The following PLK1 variants were observed in gnomAD, a reference collection of about 807,000 sequenced individuals.
The protein encoded by PLK1 is serine/threonine-protein kinase PLK1.
In PLK1, 6 loss-of-function variants were observed where a neutral mutation model predicts 56.7. The observed-to-expected ratio is 0.11, with a 90% CI of 0.06 to 0.21. The LOEUF is 0.21. Ranked by LOEUF, PLK1 falls within the 10% of genes least tolerant of loss-of-function variation. The probability of loss-of-function intolerance (pLI) is 1.00; values close to 1 mark genes in which losing one functional copy is unlikely to be tolerated. For synonymous variants in PLK1, 298 were observed against 325.0 expected (o/e 0.92, Z 0.89); for missense variants, 546 against 814.4 (o/e 0.67, Z 4.01).
chr16:23,679,151 G>T lies in PLK1; in HGVS notation c.219G>T (p.Ala73=), dbSNP rs1216361007. 1 of 1,613,200 alleles carries T rather than the reference G, an allele frequency of 6.2e-7. No individual in the cohort carries two copies. Among genetic ancestry groups the T allele is most frequent in the African/African-American group, 1.3e-5 (1 of 74,922 alleles). ...CCAAGTGCTTCGAGATCTCGGACGC[G>T]GACACCAAGGAGGTGTTCGCGGGCA... The part of the protein sequence containing the change: ...GFAKCFEISD[A]DTKEVFAGKI... Residue 73 remains alanine (A), a synonymous_variant, in exon 1 of 10, where the codon GCG becomes GCT. Transcript: ENST00000300093.
intron 5 of PLK1, among the ~76,000 whole-genome samples, chr16:23,685,050 C>T (rs1267633651): frequency 1.6e-5 from 2 of 124,768 alleles, no homozygotes; most frequent in Admixed American, 1.0e-4. Flanking sequence ...GGTATGATCT[C>T]GATTTCACTA....
At position 23,689,125 on chromosome 16, in the gene PLK1, C is replaced by T. The variant is rs184438473; in HGVS notation, c.1271-113C>T. The stretch of plus-strand genomic sequence containing the variant: ...TCTCAAACTCCTGGGCTCAAACAAT[C>T]CTCCTCCCTCAGCCTCCCAAAGTGC... On this transcript the variant is annotated intron_variant, in intron 7 of 9. Coordinates refer to ENST00000300093, the MANE Select transcript of PLK1 (RefSeq NM_005030.6). The surrounding 1 kb of genome is among the most constrained non-coding windows in gnomAD (Gnocchi z 4.8). The T allele has an allele frequency of 1.3e-5, 12 of 916,974 alleles. No homozygotes were observed. The Admixed American group carries it at 2.4e-4, about 18-fold the overall frequency. The allele number at this position is 916,974 out of a possible 1,614,324, so 56.8% of individuals were successfully genotyped here.
In PLK1 at chr16:23,689,065, G is replaced by T. The variant is rs538736062; in HGVS notation, c.1271-173G>T. 5.9e-5 allele frequency among the ~76,000 whole-genome samples: 9 copies of T among 152,080 alleles called. No homozygotes were observed. The highest frequency in any genetic ancestry group is 8.8e-5 in the Non-Finnish European group (6 of 68,018). On this transcript the variant is annotated intron_variant, in intron 7 of 9. Coordinates refer to ENST00000300093, the MANE Select transcript of PLK1 (RefSeq NM_005030.6). The surrounding 1 kb of genome is among the most constrained non-coding windows in gnomAD (Gnocchi z 4.8). ...GCTCAGCTAATTTTTAAAATATTTT[G>T]TAGAGATGGGGTCTCATTACGTTGC... is the stretch of plus-strand genomic sequence containing the variant.
At chr16:23,687,212 T>C (rs1959442095) in intron 5 of PLK1, 2 of 283,250 alleles carry the variant, frequency 7.1e-6, no homozygotes, top group South Asian at 1.2e-4. Context: ...GCCTTCAAGC[T>C]GTTTGCCTGA....
chr16:23,679,993 C>T, intron 1 of PLK1, 91 bp from the exon 2 acceptor site: 2 of 870,626 alleles, frequency 2.3e-6, no homozygotes, highest in East Asian at 2.5e-5. Context: ...AGAGTCCAGT[C>T]CTGTGCTTCC....
In PLK1 at chr16:23,678,990, G is replaced by C; in HGVS notation, c.58G>C (p.Ala20Pro). 1.2e-6 allele frequency: 2 copies of C among 1,600,760 alleles called. No individual in the cohort carries two copies. The highest frequency in any genetic ancestry group is 1.9e-4 in the Middle Eastern group (1 of 5,178). ...ACGGGCACCGGCCGACCCTGGGAAA[G>C]CCGGGGTCCCCGGAGTTGCAGCTCC... ...LARAPADPGK[A>P]GVPGVAAPGA... The change falls in exon 1 of 10, where the codon GCC (alanine) becomes CCC (proline). Residue 20 changes from alanine (A) to proline (P), a missense_variant. Transcript: ENST00000300093.
intron 3 of PLK1, 132 bp from the exon 4 acceptor site, chr16:23,681,932 T>C: frequency 1.6e-6 from 1 of 629,154 alleles, no homozygotes; most frequent in Non-Finnish European, 2.9e-6. Flanking sequence ...ACTTAGGGAT[T>C]GTCTTCAGGG....
intron 5 of PLK1, chr16:23,687,217 G>A (rs1053496266): frequency 3.5e-6 from 1 of 289,240 alleles, no homozygotes; most frequent in African/African-American, 2.2e-5. Flanking sequence ...CAAGCTGTTT[G>A]CCTGAGTGGC....
intron 1 of PLK1, 160 bp from the exon 2 acceptor site, chr16:23,679,924 T>TG (rs1959305056): frequency 3.4e-6 from 2 of 586,692 alleles, no homozygotes; most frequent in Admixed American, 5.9e-5. Context: ...AGGAATGGGG[T>TG]GGGGGCATAG....
At chr16:23,683,768 G>T in intron 4 of PLK1, 102 bp from the exon 5 acceptor site, 1 of 850,514 alleles carries the variant, frequency 1.2e-6, no homozygotes, top group East Asian at 2.4e-5. Flanking sequence ...ATTTGAGACT[G>T]GGGGCTGCAT....
intron 6 of PLK1, 61 bp downstream of exon 6, chr16:23,687,685 G>T: frequency 7.5e-7 from 1 of 1,327,982 alleles, no homozygotes; most frequent in Non-Finnish European, 1.0e-6. Context: ...AAAGGCAGGA[G>T]GAGGCTTGGC....
At chr16:23,688,325 T>C (rs893416644) in intron 6 of PLK1, among the ~76,000 whole-genome samples, 1 of 152,164 alleles carries the variant, frequency 6.6e-6, no homozygotes, top group African/African-American at 2.4e-5. Context: ...ACAACCACAG[T>C]GTAAGCTCCG....
In PLK1 at chr16:23,684,120, C is replaced by A. The variant is rs371881664; in HGVS notation, c.1036+31C>A. ...ACAAGGGTCTGGGTAAGAGAGCAGA[C>A]CCCCCAGAGAAAGCCCAGGTTGTAG... On this transcript the variant is annotated intron_variant, in intron 5 of 9. Coordinates refer to ENST00000300093, the MANE Select transcript of PLK1 (RefSeq NM_005030.6). 241 of 1,558,536 alleles carry A rather than the reference C, an allele frequency of 1.5e-4. No individual in the cohort carries two copies. In the African/African-American group the frequency reaches 3.0e-3, roughly 19 times the overall value.
chr16:23,687,402 A>C, intron 5 of PLK1, 67 bp from the exon 6 acceptor site: 2 of 1,319,088 alleles, frequency 1.5e-6, no homozygotes, highest in Non-Finnish European at 2.0e-6. Flanking sequence ...TTCTTTCGGA[A>C]GAGTTTCAGC....
rs1959472229 is a variant in PLK1, at chr16:23,688,679, G to T, written c.1204G>T (p.Asp402Tyr). 6.2e-7 allele frequency: 1 copy of T among 1,613,542 alleles called. No homozygotes were observed. Among genetic ancestry groups the T allele is most frequent in the Admixed American group, 1.7e-5 (1 of 60,012 alleles). ...RGLVRQEEAEDPACIPIFWVS... is the reference protein window; with the variant it reads ...RGLVRQEEAEYPACIPIFWVS... Reference sequence around the variant, plus strand: ...TGTTTCTGTCTCAGAGGAGGCTGAGGATCCTGCCTGCATCCCCATCTTCTG... The same window carrying T: ...TGTTTCTGTCTCAGAGGAGGCTGAGTATCCTGCCTGCATCCCCATCTTCTG... The change falls in exon 7 of 10, where the codon GAT (aspartate) becomes TAT (tyrosine). Residue 402 changes from aspartate (D) to tyrosine (Y), a missense_variant. Physicochemically the swap from Asp to Tyr is radical, Grantham distance 160. This residue lies in a region of PLK1 where 157 missense variants were observed against 184.0 expected (regional missense o/e 0.85). Transcript: ENST00000300093.
chr16:23,686,220 G>A (rs1959425235), intron 5 of PLK1, among the ~76,000 whole-genome samples: 1 of 151,778 alleles, frequency 6.6e-6, no homozygotes, highest in African/African-American at 2.4e-5. Context: ...TAAATTTTTG[G>A]TAGAGATGAG....
At chr16:23,684,290 C>T (rs1406578114) in intron 5 of PLK1, among the ~76,000 whole-genome samples, 1 of 152,214 alleles carries the variant, frequency 6.6e-6, no homozygotes, top group Admixed American at 6.5e-5. Context: ...ATAAACGTAC[C>T]ATGCCCAAGA....
intron 2 of PLK1, among the ~76,000 whole-genome samples, chr16:23,680,554 C>T (rs1597134028): frequency 6.6e-6 from 1 of 152,326 alleles, no homozygotes; most frequent in East Asian, 1.9e-4. Flanking sequence ...TGGAAAACAG[C>T]TGTCCCCTTC....
chr16:23,685,094 CT>C (rs1325325726), intron 5 of PLK1, among the ~76,000 whole-genome samples: 1 of 143,210 alleles, frequency 7.0e-6, no homozygotes, highest in Non-Finnish European at 1.5e-5. Context: ...ACTTGAAATA[CT>C]TTTTTTCTCT....
Sources: allele counts gnomAD v4.1 joint callset (sites outside exome capture counted in the v4.1 genomes callset), GRCh38; gene constraint gnomAD v4.1.1; regional missense constraint gnomAD v4.1.1; non-coding constraint Gnocchi (gnomAD v3.1); transcripts MANE v1.5; gene names NCBI Gene and HGNC (gene_info 2026-07-23, HGNC 2026-07-21).